CHAF1A: variants seen among roughly 807,000 people sequenced by gnomAD.
CHAF1A encodes chromatin assembly factor 1 subunit A, also known as CAF-1 subunit A.
In CHAF1A, 5 loss-of-function variants were observed where a neutral mutation model predicts 93.2. That is an observed-to-expected ratio of 0.05 (90% CI 0.03 to 0.11). The LOEUF is 0.11. Ranked by LOEUF, CHAF1A falls within the 10% of genes least tolerant of loss-of-function variation. The pLI, the probability that CHAF1A is intolerant of heterozygous loss-of-function variation, is 1.00. For synonymous variants in CHAF1A, 504 were observed against 510.3 expected (o/e 0.99, Z 0.17); for missense variants, 1,102 against 1,259.9 (o/e 0.87, Z 1.90).
downstream of CHAF1A, among the ~76,000 whole-genome samples, chr19:4,444,185 C>T (rs1164449270): frequency 6.6e-6 from 1 of 152,152 alleles, no homozygotes; most frequent in African/African-American, 2.4e-5. Flanking sequence ...AGGCCGGGTG[C>T]CCACACCAGC....
intron 10 of CHAF1A, 50 bp downstream of exon 10, chr19:4,429,838 T>A: frequency 6.6e-7 from 1 of 1,515,012 alleles, no homozygotes; most frequent in South Asian, 1.2e-5. Flanking sequence ...TGTGTTTGAG[T>A]CTCTGTCCCA....
At chr19:4,445,042 T>TACTA (rs1974474473), downstream of CHAF1A, 1 of 164,772 alleles carries the variant, frequency 6.1e-6, no homozygotes, top group Non-Finnish European at 1.3e-5. Context: ...GCTTATGATT[T>TACTA]ACTAACTGCA....
Position 4,433,357 on chromosome 19 carries a change from G to C in CHAF1A, c.2491G>C (p.Glu831Gln), listed in dbSNP as rs1974224269. ...HPQVLQSFQQ[E>Q]HLPVPCQWSY... ...GCAGGTGCTACAGAGCTTCCAGCAG[G>C]AGCACCTGCCCGTGCCGTGCCAGTG... The change falls in exon 13 of 15, where the codon GAG (glutamate) becomes CAG (glutamine). Residue 831 changes from glutamate (E) to glutamine (Q), a missense_variant. Glu to Gln is a conservative substitution (Grantham distance 29). This residue lies in a region of CHAF1A where 76 missense variants were observed against 129.8 expected (regional missense o/e 0.59). Coordinates refer to ENST00000301280, the MANE Select transcript of CHAF1A (RefSeq NM_005483.3). This position sits in a 1 kb window ranked among gnomAD's most constrained non-coding sequence, Gnocchi z 5.6. 6.2e-7 allele frequency: 1 copy of C among 1,612,944 alleles called. No individual in the cohort carries two copies. The highest frequency in any genetic ancestry group is 1.1e-5 in the South Asian group (1 of 91,080).
Position 4,422,613 on chromosome 19 carries a change from A to T in CHAF1A, c.1065A>T (p.Glu355Asp). Residue 355 changes from glutamate to aspartate, a missense_variant, in exon 5 of 15, where the codon GAA becomes GAT. This residue lies in a region of CHAF1A where 165 missense variants were observed against 243.9 expected (regional missense o/e 0.68). Transcript: ENST00000301280. This position sits in a 1 kb window ranked among gnomAD's most constrained non-coding sequence, Gnocchi z 4.6. ...GKQLKLRAER[E>D]EKEKLKEEAK... ...AGCTCAAGTTACGTGCAGAAAGGGA[A>T]GAAAAGGAGAAGCTGAAAGAGGAGG... is the stretch of plus-strand genomic sequence containing the variant. The T allele has an allele frequency of 6.3e-7, 1 of 1,586,580 alleles. No homozygotes were observed. Among genetic ancestry groups the T allele is most frequent in the Non-Finnish European group, 8.6e-7 (1 of 1,166,528 alleles).
chr19:4,437,779 G>A (rs549742076), intron 13 of CHAF1A, among the ~76,000 whole-genome samples: 45 of 150,896 alleles, frequency 3.0e-4, no homozygotes, highest in Admixed American at 1.8e-3. Flanking sequence ...TCGCTCTGTC[G>A]CCCAGGCTGG....
downstream of CHAF1A, chr19:4,446,132 C>CGCTCTGCAGG (rs1408207556): frequency 2.5e-6 from 4 of 1,612,230 alleles, no homozygotes; most frequent in Admixed American, 1.7e-5. Context: ...GGCAGCCAGT[C>CGCTCTGCAGG]GCTCTGCAGG....
Position 4,432,179 on chromosome 19 carries a change from C to G in CHAF1A, c.2175C>G (p.Ala725=), listed in dbSNP as rs752072419. The change falls in exon 12 of 15, where the codon GCC becomes GCG. Residue 725 remains alanine (A), a synonymous_variant. Coordinates refer to ENST00000301280, the MANE Select transcript of CHAF1A (RefSeq NM_005483.3). ...CCCAGGAGGAGCAGACGCCCAAGGC[C>G]TCCAAGCGGGAGAGGAGAGACGAGC... is the stretch of plus-strand genomic sequence containing the variant. The part of the protein sequence containing the change: ...LPAQEEQTPK[A]SKRERRDEQI... 1 of 1,610,852 alleles carries G rather than the reference C, an allele frequency of 6.2e-7. No individual in the cohort carries two copies. Among genetic ancestry groups the G allele is most frequent in the Non-Finnish European group, 8.5e-7 (1 of 1,179,030 alleles).
intron 3 of CHAF1A, among the ~76,000 whole-genome samples, chr19:4,412,911 G>A (rs1027379154): frequency 6.6e-6 from 1 of 152,200 alleles, no homozygotes; most frequent in African/African-American, 2.4e-5. Context: ...TGAGGGAAGC[G>A]ATTATCGGGA....
chr19:4,416,113 G>T (rs1973893176), intron 3 of CHAF1A, among the ~76,000 whole-genome samples: 1 of 152,132 alleles, frequency 6.6e-6, no homozygotes, highest in Non-Finnish European at 1.5e-5. Context: ...GGCGGAGCTT[G>T]CAGTGATCCG....
chr19:4,447,932 C>G, downstream of CHAF1A: 1 of 499,706 alleles, frequency 2.0e-6, no homozygotes, highest in South Asian at 2.2e-5. Flanking sequence ...AGAGCCAGAG[C>G]TGAAGGGCCG....
At chr19:4,432,901 G>A (rs1412454513) in intron 12 of CHAF1A, among the ~76,000 whole-genome samples, 169 bp from the exon 13 acceptor site, 1 of 152,146 alleles carries the variant, frequency 6.6e-6, no homozygotes, top group Non-Finnish European at 1.5e-5. Flanking sequence ...CTGGGCAGGT[G>A]CGTAGGTGCT....
chr19:4,407,419 T>G (rs1973701035), intron 2 of CHAF1A, among the ~76,000 whole-genome samples: 1 of 151,070 alleles, frequency 6.6e-6, no homozygotes, highest in African/African-American at 2.4e-5. Context: ...ACAGTTTGAT[T>G]GATGAGAAAA....
chr19:4,423,802 A>G lies in CHAF1A; in HGVS notation c.1309-4A>G. ...TTTCTCATCACCATCTCTTAACATC[A>G]CAGCGCATTAAAGCAGAGAAGGCCG... On this transcript the variant is annotated splice_region_variant and splice_polypyrimidine_tract_variant and intron_variant, in intron 6 of 14. Transcript: ENST00000301280. 6.2e-7 allele frequency: 1 copy of G among 1,613,764 alleles called. No individual in the cohort carries two copies. Among genetic ancestry groups the G allele is most frequent in the Middle Eastern group, 1.7e-4 (1 of 6,060 alleles).
At position 4,402,667 on chromosome 19, in the gene CHAF1A, C is replaced by G. The variant is rs1294961752; in HGVS notation, c.-96C>G. On this transcript the variant is annotated 5_prime_UTR_variant, in exon 1 of 15. Transcript: ENST00000301280. Reference sequence around the variant, plus strand: ...AATACGAGCGCGGCGGCCGCGGCGGCAGCAGCGGCGCGGGCGGGAGGGCGA... The same window carrying G: ...AATACGAGCGCGGCGGCCGCGGCGGGAGCAGCGGCGCGGGCGGGAGGGCGA... 8.5e-6 allele frequency: 7 copies of G among 820,184 alleles called. No homozygotes were observed. Among genetic ancestry groups the G allele is most frequent in the African/African-American group, 1.8e-5 (1 of 55,262 alleles). 50.8% of individuals were successfully genotyped at this position (820,184 alleles called of 1,614,324 possible). A position where few individuals can be genotyped will look rare whatever the true frequency, so the allele number is the denominator to read the frequency against.
At chr19:4,405,745 C>T (rs935730394) in intron 1 of CHAF1A, among the ~76,000 whole-genome samples, 167 bp from the exon 2 acceptor site, 2 of 151,894 alleles carry the variant, frequency 1.3e-5, no homozygotes, top group East Asian at 3.9e-4. Flanking sequence ...TTGAGCCCTC[C>T]CTGCATCATG....
rs898525241 is a variant in CHAF1A, at chr19:4,441,256, G to T, written c.2674-989G>T. Among the ~76,000 whole-genome samples the T allele has an allele frequency of 2.6e-5, 4 of 152,212 alleles. No individual in the cohort carries two copies. In the East Asian group the frequency reaches 7.7e-4, roughly 29 times the overall value. On this transcript the variant is annotated intron_variant, in intron 13 of 14. Coordinates refer to ENST00000301280, the MANE Select transcript of CHAF1A (RefSeq NM_005483.3). ...CACTTGAACCTGGGAGTCAGAAGTT[G>T]CAGTGAGCCAAGATCGCACCACTGC...
chr19:4,445,486 C>CCTG, downstream of CHAF1A: 1 of 1,613,720 alleles, frequency 6.2e-7, no homozygotes, highest in South Asian at 1.1e-5. Flanking sequence ...TGAGGCCAAC[C>CCTG]CTGCTTTTAT....
chr19:4,413,054 GT>G (rs1333011669), intron 3 of CHAF1A, among the ~76,000 whole-genome samples: 3 of 152,084 alleles, frequency 2.0e-5, no homozygotes, highest in African/African-American at 7.2e-5. Context: ...TTGCTTCATA[GT>G]TGGTACCTAA....
chr19:4,407,819 A>C (rs1037800920), intron 2 of CHAF1A, among the ~76,000 whole-genome samples: 1 of 151,968 alleles, frequency 6.6e-6, no homozygotes, highest in Non-Finnish European at 1.5e-5. Flanking sequence ...GTAGTAGTGC[A>C]TGCCTGTAAT....
Sources: allele counts gnomAD v4.1 joint callset (sites outside exome capture counted in the v4.1 genomes callset), GRCh38; gene constraint gnomAD v4.1.1; regional missense constraint gnomAD v4.1.1; non-coding constraint Gnocchi (gnomAD v3.1); transcripts MANE v1.5; gene names NCBI Gene and HGNC (gene_info 2026-07-23, HGNC 2026-07-21).